TNNI3K: variants seen among roughly 807,000 people sequenced by gnomAD.
The protein encoded by TNNI3K is serine/threonine-protein kinase TNNI3K.
In TNNI3K, 140 loss-of-function variants were observed where a neutral mutation model predicts 114.5. The ratio of observed to expected loss-of-function variants is 1.22; its 90% CI spans 1.07 to 1.41. The LOEUF (loss-of-function observed/expected upper bound fraction) is 1.41. Among genes scored for constraint, TNNI3K ranks in the 40% most tolerant of loss-of-function variants. The pLI is 0.00. For missense variants in TNNI3K, 1,125 were observed against 1,007.6 expected, an observed-to-expected ratio of 1.12 and a Z score of -1.58; for synonymous variants, 347 against 347.5, an observed-to-expected ratio of 1.00 and a Z score of 0.02.
intron 17 of TNNI3K, among the ~76,000 whole-genome samples, chr1:74,415,583 C>A (rs1665077361): frequency 6.6e-6 from 1 of 151,840 alleles, no homozygotes; most frequent in South Asian, 2.1e-4. Flanking sequence ...TAATATTTGT[C>A]TCTAATAGAA....
chr1:74,375,878 G>C, intron 17 of TNNI3K: 1 of 249,786 alleles, frequency 4.0e-6, no homozygotes, highest in African/African-American at 2.2e-5. Context: ...AATCTATCTA[G>C]GCACCGGGCA....
chr1:74,359,030 C>T (rs1453149132), intron 11 of TNNI3K, among the ~76,000 whole-genome samples: 2 of 151,944 alleles, frequency 1.3e-5, no homozygotes, highest in African/African-American at 4.8e-5. Flanking sequence ...CTAAGTCACA[C>T]TTGCCCAATC....
chr1:74,275,668 T>A (rs891886324), intron 5 of TNNI3K, among the ~76,000 whole-genome samples: 9 of 151,978 alleles, frequency 5.9e-5, no homozygotes, highest in Non-Finnish European at 1.0e-4. Flanking sequence ...GGACAGTGAG[T>A]AAAATGATAA....
intron 11 of TNNI3K, among the ~76,000 whole-genome samples, chr1:74,357,710 A>C (rs994153548): frequency 6.6e-6 from 1 of 152,074 alleles, no homozygotes; most frequent in Non-Finnish European, 1.5e-5. Context: ...TTTAAGTTTC[A>C]ATATTTATCT....
rs1169706649 is a variant in TNNI3K, at chr1:74,540,350, T to C, written c.2431+37T>C. 6 of 1,593,048 alleles carry C rather than the reference T, an allele frequency of 3.8e-6. 1 individual carries two copies. The highest frequency in any genetic ancestry group is 5.1e-6 in the Non-Finnish European group (6 of 1,166,778). On this transcript the variant is annotated intron_variant, in intron 24 of 24. Coordinates refer to ENST00000326637, the MANE Select transcript of TNNI3K (RefSeq NM_015978.3). ...GATTCTTTAGGTTTGTTAAGAAAACTACCCCTAGGAAGGTGATGTCTATTT... is the reference window on the plus strand; with the variant it reads ...GATTCTTTAGGTTTGTTAAGAAAACCACCCCTAGGAAGGTGATGTCTATTT...
At chr1:74,274,699 C>T (rs1387774790) in intron 5 of TNNI3K, among the ~76,000 whole-genome samples, 1 of 151,968 alleles carries the variant, frequency 6.6e-6, no homozygotes, top group Non-Finnish European at 1.5e-5. Context: ...AGGTGTTCCT[C>T]AACTTATGAT....
chr1:74,439,505 G>A lies in TNNI3K; in HGVS notation c.1894G>A (p.Ala632Thr), dbSNP rs199782389. 2.3e-5 allele frequency: 37 copies of A among 1,612,450 alleles called. 1 individual carries two copies. The highest frequency in any genetic ancestry group is 3.3e-5 in the South Asian group (3 of 90,930). Residue 632 changes from alanine (A) to threonine (T), a missense_variant, in exon 20 of 25, where the codon GCT becomes ACT. Ala to Thr is a moderately conservative substitution (Grantham distance 58). Transcript: ENST00000326637. ...TGATGTGCAGAACCTCCGTTGGATG[G>A]CTCCTGAGGTGTTCACGCAGTGCAC... is the stretch of plus-strand genomic sequence containing the variant. ...TKQPGNLRWM[A>T]PEVFTQCTRY...
chr1:74,529,766 A>G (rs11210476), intron 23 of TNNI3K, among the ~76,000 whole-genome samples: 63,974 of 152,016 alleles, frequency 0.42, 15,406 homozygotes, highest in Non-Finnish European at 0.56. Flanking sequence ...TTTTAAATGA[A>G]AAGTTTTTTT....
intron 7 of TNNI3K, chr1:74,342,004 T>C (rs1379335981): frequency 6.6e-6 from 1 of 152,132 alleles, no homozygotes; most frequent in East Asian, 1.9e-4. Context: ...AGAGTAAAAG[T>C]GTCATTATTA....
intron 23 of TNNI3K, among the ~76,000 whole-genome samples, chr1:74,501,474 GTGTTTGTTTGTTTGTT>G (rs71588835): frequency 1.3e-5 from 2 of 149,820 alleles, no homozygotes; most frequent in Middle Eastern, 3.2e-3. Flanking sequence ...TTTTTGTTTT[GTGTTTGTTTGTTTGTT>G]TGTTTGTTTG....
chr1:74,273,589 G>C (rs1055682545), intron 5 of TNNI3K, among the ~76,000 whole-genome samples: 7 of 152,004 alleles, frequency 4.6e-5, no homozygotes, highest in African/African-American at 1.7e-4. Flanking sequence ...AAGTGGTTAA[G>C]AGCTTAGTTT....
At chr1:74,376,212 G>A (rs1447068876) in intron 17 of TNNI3K, among the ~76,000 whole-genome samples, 2 of 151,844 alleles carry the variant, frequency 1.3e-5, no homozygotes, top group African/African-American at 4.8e-5. Flanking sequence ...TATAATAGTT[G>A]CTTTTAATTT....
chr1:74,412,088 G>C (rs923617354), intron 17 of TNNI3K, among the ~76,000 whole-genome samples: 2 of 152,146 alleles, frequency 1.3e-5, no homozygotes, highest in African/African-American at 2.4e-5. Context: ...ACACAGATTA[G>C]ATAAAAGAGC....
At chr1:74,491,896 G>A (rs942803550) in intron 22 of TNNI3K, among the ~76,000 whole-genome samples, 6 of 152,138 alleles carry the variant, frequency 3.9e-5, no homozygotes, top group Non-Finnish European at 5.9e-5. Context: ...TCTCAGCACA[G>A]AACTGGGTCA....
At chr1:74,539,908 G>C (rs1199887799) in intron 23 of TNNI3K, among the ~76,000 whole-genome samples, 1 of 151,712 alleles carries the variant, frequency 6.6e-6, no homozygotes, top group Non-Finnish European at 1.5e-5. Flanking sequence ...GTTCTTTTTA[G>C]TAAGGATTAC....
intron 11 of TNNI3K, 40 bp downstream of exon 11, chr1:74,354,169 A>G: frequency 6.2e-7 from 1 of 1,612,258 alleles, no homozygotes; most frequent in Non-Finnish European, 8.5e-7. Context: ...TGATACATTG[A>G]ACTGTGTGCA....
chr1:74,508,605 C>T (rs978638728), intron 23 of TNNI3K, among the ~76,000 whole-genome samples: 5 of 152,114 alleles, frequency 3.3e-5, no homozygotes, highest in South Asian at 2.1e-4. Flanking sequence ...GGATAAGTAG[C>T]GAATCAGTCT....
Position 74,369,417 on chromosome 1 carries a change from A to G in TNNI3K, c.1499A>G (p.Lys500Arg). The G allele has an allele frequency of 6.2e-7, 1 of 1,611,500 alleles. No homozygotes were observed. The highest frequency in any genetic ancestry group is 1.1e-5 in the South Asian group (1 of 90,810). ...TATCGAGCCAATACCTACTGCTCCA[A>G]GTCAGATGTGGATATGTTTTGCCGA... ...KRYRANTYCS[K>R]SDVDMFCREV... Residue 500 changes from lysine to arginine, a missense_variant, in exon 16 of 25, where the codon AAG becomes AGG. Transcript: ENST00000326637.
chr1:74,524,703 C>A (rs190206575), intron 23 of TNNI3K, among the ~76,000 whole-genome samples: 1 of 151,418 alleles, frequency 6.6e-6, no homozygotes, highest in African/African-American at 2.4e-5. Flanking sequence ...TCTCTTCCCT[C>A]GTGGAGGTTT....
Sources: gnomAD v4.1 joint callset for allele counts (sites outside exome capture counted in the v4.1 genomes callset) on GRCh38, gnomAD v4.1.1 for gene constraint, MANE v1.5 for transcripts, NCBI Gene and HGNC (gene_info 2026-07-23, HGNC 2026-07-21) for gene names.